AKR1C3: variants seen among roughly 807,000 people sequenced by gnomAD.
AKR1C3 encodes 3-alpha hydroxysteroid dehydrogenase, type II.
In AKR1C3, 48 loss-of-function variants were observed where a neutral mutation model predicts 43.6. That is an observed-to-expected ratio of 1.10 (90% CI 0.87 to 1.40). The LOEUF (loss-of-function observed/expected upper bound fraction) is 1.40, where lower values mean the gene tolerates loss of function less well. AKR1C3 is among the 40% of genes most tolerant of loss of function. AKR1C3 has a pLI of 0.00. For missense variants in AKR1C3, 482 were observed against 391.2 expected (o/e 1.23, Z -1.96); for synonymous variants, 162 against 139.6 (o/e 1.16, Z -1.13).
At chr10:5,094,298 A>G, upstream of AKR1C3, 1 of 856,096 alleles carries the variant, frequency 1.2e-6, no homozygotes, top group South Asian at 1.4e-5. Context: ...AGACCATATA[A>G]GACTGCCTAT....
chr10:5,052,918 A>C (rs919906762), intron 1 of AKR1C3, among the ~76,000 whole-genome samples: 1 of 151,674 alleles, frequency 6.6e-6, no homozygotes, highest in Admixed American at 6.6e-5. Context: ...GCTAGACATA[A>C]AGGTTCTCCA....
chr10:5,105,895 C>T (rs1247035132), intron 8 of AKR1C3, among the ~76,000 whole-genome samples: 1 of 152,168 alleles, frequency 6.6e-6, no homozygotes, highest in Admixed American at 6.5e-5. Flanking sequence ...TCTCCTGACT[C>T]CATGGAACTT....
intron 5 of AKR1C3, 83 bp downstream of exon 5, chr10:5,099,532 C>A: frequency 6.3e-7 from 1 of 1,591,388 alleles, no homozygotes; most frequent in Non-Finnish European, 8.6e-7. Context: ...TTGTTTTGTC[C>A]CAGTTATCTT....
chr10:5,089,669 G>C (rs559551634), upstream of AKR1C3, among the ~76,000 whole-genome samples: 78 of 151,394 alleles, frequency 5.2e-4, no homozygotes, highest in African/African-American at 1.9e-3. Context: ...GTTTGTTTTT[G>C]ACCTTCTCTG....
intron 1 of AKR1C3, among the ~76,000 whole-genome samples, chr10:5,080,053 T>G (rs558840813): frequency 1.3e-5 from 2 of 152,252 alleles, no homozygotes; most frequent in East Asian, 3.9e-4. Context: ...GTGCACGGCC[T>G]CTATACTGGT....
At chr10:5,080,019 C>A (rs1353098268) in intron 1 of AKR1C3, among the ~76,000 whole-genome samples, 2 of 152,116 alleles carry the variant, frequency 1.3e-5, no homozygotes, top group Admixed American at 1.3e-4. Flanking sequence ...CAAACATGAC[C>A]TGGACAATGG....
chr10:5,106,761 A>C (rs1304215051), intron 8 of AKR1C3, among the ~76,000 whole-genome samples: 2 of 152,110 alleles, frequency 1.3e-5, no homozygotes, highest in African/African-American at 4.8e-5. Flanking sequence ...CTCAAAAAAA[A>C]AAAGCAGGAA....
At chr10:5,101,408 A>G (rs1260151510) in intron 5 of AKR1C3, among the ~76,000 whole-genome samples, 1 of 152,190 alleles carries the variant, frequency 6.6e-6, no homozygotes, top group Non-Finnish European at 1.5e-5. Context: ...GTGACATTTT[A>G]CTATGAAAAA....
intron 1 of AKR1C3, among the ~76,000 whole-genome samples, chr10:5,066,102 A>T (rs906669921): frequency 1.2e-4 from 18 of 152,204 alleles, no homozygotes; most frequent in African/African-American, 3.9e-4. Context: ...GGGTTAAAAC[A>T]TTTATTGGGA....
upstream of AKR1C3, chr10:5,094,331 G>A (rs919941425): frequency 2.6e-6 from 3 of 1,142,342 alleles, no homozygotes; most frequent in African/African-American, 1.7e-5. Flanking sequence ...ACATGCCATT[G>A]GTTAACCATC....
At chr10:5,095,172 A>G (rs1456315647) in intron 1 of AKR1C3, among the ~76,000 whole-genome samples, 3 of 152,144 alleles carry the variant, frequency 2.0e-5, no homozygotes, top group Non-Finnish European at 2.9e-5. Flanking sequence ...TCAAAGTGGT[A>G]GGAGTGGTCT....
intron 1 of AKR1C3, among the ~76,000 whole-genome samples, chr10:5,070,624 C>A (rs1347435387): frequency 6.6e-6 from 1 of 152,206 alleles, no homozygotes; most frequent in Non-Finnish European, 1.5e-5. Context: ...TTCCCTGTCT[C>A]CAGACCCTAT....
At chr10:5,083,399 G>A (rs1191053353) in intron 1 of AKR1C3, among the ~76,000 whole-genome samples, 5 of 151,930 alleles carry the variant, frequency 3.3e-5, no homozygotes, top group Admixed American at 6.6e-5. Context: ...CCTAAAAAGG[G>A]CATGAACTCA....
At chr10:5,104,543 GATA>G (rs1554786778) in intron 7 of AKR1C3, among the ~76,000 whole-genome samples, 1 of 149,620 alleles carries the variant, frequency 6.7e-6, no homozygotes, top group African/African-American at 2.4e-5. Context: ...TATTTTATTT[GATA>G]ATATCTTGAT....
chr10:5,059,338 C>T (rs1284941442), intron 1 of AKR1C3, among the ~76,000 whole-genome samples: 1 of 152,130 alleles, frequency 6.6e-6, no homozygotes. Context: ...GTTTCTCTGG[C>T]AAGCTTTAGG....
intron 1 of AKR1C3, among the ~76,000 whole-genome samples, chr10:5,062,536 G>A (rs1176958930): frequency 1.3e-5 from 2 of 152,176 alleles, no homozygotes; most frequent in East Asian, 1.9e-4. Context: ...TTCACCCTTA[G>A]CATGTCTCAA....
At chr10:5,054,763 T>A (rs1838224120) in intron 1 of AKR1C3, among the ~76,000 whole-genome samples, 1 of 152,170 alleles carries the variant, frequency 6.6e-6, no homozygotes, top group South Asian at 2.1e-4. Context: ...TCTCCCTGTT[T>A]CTGTCTCTGT....
chr10:5,105,564 A>G lies in AKR1C3; in HGVS notation c.847-31A>G, dbSNP rs587620274. The stretch of plus-strand genomic sequence containing the variant: ...CTTGGGGATTCACAACTGGCAATCT[A>G]AAAATAATAAAAGTTTTTTATTTCT... On this transcript the variant is annotated intron_variant, in intron 7 of 8. Coordinates refer to ENST00000380554, the MANE Select transcript of AKR1C3 (RefSeq NM_003739.6). The G allele has an allele frequency of 2.6e-6, 4 of 1,564,446 alleles. No homozygotes were observed. The Admixed American group carries it at 5.2e-5, about 20-fold the overall frequency.
intron 1 of AKR1C3, among the ~76,000 whole-genome samples, chr10:5,055,422 G>A (rs1275573576): frequency 6.6e-6 from 1 of 152,222 alleles, no homozygotes; most frequent in Non-Finnish European, 1.5e-5. Context: ...TAAGTAGGCA[G>A]TTGTCTGACA....
Sources: gnomAD v4.1 joint callset for allele counts (sites outside exome capture counted in the v4.1 genomes callset) on GRCh38, gnomAD v4.1.1 for gene constraint, MANE v1.5 for transcripts, NCBI Gene and HGNC (gene_info 2026-07-23, HGNC 2026-07-21) for gene names.